The following CSMD1 variants were observed in gnomAD, a reference collection of about 807,000 sequenced individuals.
CSMD1 encodes the protein CUB and sushi domain-containing protein 1.
Under a neutral mutation model 417.5 loss-of-function variants are expected in CSMD1, and 213 were observed. The observed-to-expected ratio is 0.51, with a 90% CI of 0.46 to 0.57. CSMD1 has a LOEUF of 0.57. CSMD1 is among the 20% of genes least tolerant of loss of function. The pLI, the probability that CSMD1 is intolerant of heterozygous loss-of-function variation, is 0.00. For synonymous variants in CSMD1, 2,862 were observed against 1,736.8 expected, an observed-to-expected ratio of 1.65 and a Z score of -16.11; for missense variants, 6,923 against 4,529.7, an observed-to-expected ratio of 1.53 and a Z score of -15.17.
chr8:3,017,473 CAAT>C (rs1808942370), intron 52 of CSMD1, among the ~76,000 whole-genome samples: 2 of 152,010 alleles, frequency 1.3e-5, no homozygotes, highest in Admixed American at 6.6e-5. Flanking sequence ...TAATTGTGTT[CAAT>C]AATATATAAT....
chr8:4,586,038 A>G (rs1241244384), intron 2 of CSMD1, among the ~76,000 whole-genome samples: 1 of 152,240 alleles, frequency 6.6e-6, no homozygotes, highest in Non-Finnish European at 1.5e-5. Flanking sequence ...ATGCGCATGT[A>G]ATGGTTGTAC....
At chr8:4,037,729 C>G (rs1320324951) in intron 3 of CSMD1, among the ~76,000 whole-genome samples, 1 of 152,084 alleles carries the variant, frequency 6.6e-6, no homozygotes, top group African/African-American at 2.4e-5. Flanking sequence ...AATATCTGTT[C>G]TTTATGACTC....
chr8:3,927,645 A>G (rs571781993), intron 5 of CSMD1, among the ~76,000 whole-genome samples: 2 of 152,174 alleles, frequency 1.3e-5, no homozygotes, highest in Admixed American at 6.5e-5. Flanking sequence ...ACACTCGGCG[A>G]AAGAGTGAAA....
intron 5 of CSMD1, among the ~76,000 whole-genome samples, chr8:3,796,884 T>A (rs890767529): frequency 6.6e-6 from 1 of 151,682 alleles, no homozygotes; most frequent in Non-Finnish European, 1.5e-5. Flanking sequence ...AAAATGGAAA[T>A]TCCTCACGGT....
intron 4 of CSMD1, among the ~76,000 whole-genome samples, chr8:4,028,167 G>A (rs942178509): frequency 6.6e-6 from 1 of 152,112 alleles, no homozygotes; most frequent in African/African-American, 2.4e-5. Flanking sequence ...AAAATAATGG[G>A]CATCTAGAGT....
In CSMD1 at chr8:4,665,055, C is replaced by T. The variant is rs574759841; in HGVS notation, c.86-27497G>A. Reference sequence around the variant, plus strand: ...TTCAAACTGTTTAATTATTAATTTGCAGAAAAGGTATTAGTTTCCCTTTAC... The same window carrying T: ...TTCAAACTGTTTAATTATTAATTTGTAGAAAAGGTATTAGTTTCCCTTTAC... On this transcript the variant is annotated intron_variant, in intron 1 of 69. Coordinates refer to ENST00000635120, the MANE Select transcript of CSMD1 (RefSeq NM_033225.6). Among the ~76,000 whole-genome samples the T allele has an allele frequency of 2.6e-5, 4 of 152,218 alleles. No homozygotes were observed. In the South Asian group the frequency reaches 8.3e-4, roughly 32 times the overall value.
chr8:3,639,043 C>G (rs1229153325), intron 7 of CSMD1, among the ~76,000 whole-genome samples: 1 of 152,236 alleles, frequency 6.6e-6, no homozygotes, highest in Non-Finnish European at 1.5e-5. Context: ...ATCCTTCTTT[C>G]ATTTTCCACT....
At chr8:3,229,700 A>T (rs1169844793) in intron 27 of CSMD1, among the ~76,000 whole-genome samples, 3 of 152,210 alleles carry the variant, frequency 2.0e-5, no homozygotes, top group African/African-American at 7.2e-5. Flanking sequence ...TTTCTATATT[A>T]AAAATCAGAA....
At chr8:4,935,666 A>C (rs1807565775) in intron 1 of CSMD1, among the ~76,000 whole-genome samples, 1 of 152,230 alleles carries the variant, frequency 6.6e-6, no homozygotes, top group African/African-American at 2.4e-5. Flanking sequence ...ATTGTAACTA[A>C]AGAAACGAGT....
chr8:3,390,827 C>T (rs914355441), intron 17 of CSMD1, among the ~76,000 whole-genome samples: 1 of 151,972 alleles, frequency 6.6e-6, no homozygotes, highest in African/African-American at 2.4e-5. Context: ...ACTCCTAGTC[C>T]AAGGAAGGAA....
intron 2 of CSMD1, among the ~76,000 whole-genome samples, chr8:4,521,769 C>T (rs1180884391): frequency 6.6e-6 from 1 of 152,150 alleles, no homozygotes; most frequent in Non-Finnish European, 1.5e-5. Flanking sequence ...GAAAGCTCTT[C>T]ACTGGATACT....
At chr8:4,863,042 G>C (rs1802228289) in intron 1 of CSMD1, among the ~76,000 whole-genome samples, 1 of 152,050 alleles carries the variant, frequency 6.6e-6, no homozygotes, top group African/African-American at 2.4e-5. Flanking sequence ...CCTTGGGCTT[G>C]ACAATGTGAG....
At chr8:4,326,970 G>A (rs553118392) in intron 3 of CSMD1, among the ~76,000 whole-genome samples, 4 of 152,274 alleles carry the variant, frequency 2.6e-5, no homozygotes, top group South Asian at 2.1e-4. Flanking sequence ...GAAAAAATAG[G>A]TTAATGAAGG....
chr8:3,982,367 T>TA (rs1490734081), intron 5 of CSMD1, among the ~76,000 whole-genome samples: 1 of 151,790 alleles, frequency 6.6e-6, no homozygotes, highest in Admixed American at 6.6e-5. Flanking sequence ...ATAATCCTTG[T>TA]ACAAACCTCC....
At chr8:3,769,856 G>A (rs1052010133) in intron 5 of CSMD1, among the ~76,000 whole-genome samples, 2 of 152,154 alleles carry the variant, frequency 1.3e-5, no homozygotes, top group African/African-American at 4.8e-5. Context: ...TGGACTCCTA[G>A]AAGAAAAACG....
intron 9 of CSMD1, 88 bp downstream of exon 9, chr8:3,586,048 A>G (rs73660319): frequency 0.043 from 58,366 of 1,367,616 alleles, 2,762 homozygotes; most frequent in Admixed American, 0.18. Context: ...TCCCATACAC[A>G]ATGCTTCATG....
At chr8:4,842,538 G>A (rs933814303) in intron 1 of CSMD1, among the ~76,000 whole-genome samples, 4 of 152,138 alleles carry the variant, frequency 2.6e-5, no homozygotes, top group East Asian at 1.9e-4. Flanking sequence ...CACTTACAGC[G>A]AGCACTAAGG....
intron 1 of CSMD1, among the ~76,000 whole-genome samples, chr8:4,952,041 CA>C (rs1297328824): frequency 6.6e-6 from 1 of 151,048 alleles, no homozygotes; most frequent in Non-Finnish European, 1.5e-5. Flanking sequence ...TATATATACA[CA>C]AAATATATTT....
intron 1 of CSMD1, among the ~76,000 whole-genome samples, chr8:4,921,894 C>A (rs1265447938): frequency 1.3e-5 from 2 of 152,174 alleles, no homozygotes; most frequent in Non-Finnish European, 2.9e-5. Flanking sequence ...CAGAATTGAA[C>A]CTTCCATGCA....
Sources: allele counts gnomAD v4.1 joint callset (sites outside exome capture counted in the v4.1 genomes callset), GRCh38; gene constraint gnomAD v4.1.1; transcripts MANE v1.5; gene names NCBI Gene and HGNC (gene_info 2026-07-23, HGNC 2026-07-21).